The following LSAMP variants were observed in gnomAD, a reference collection of about 807,000 sequenced individuals.
LSAMP encodes the protein limbic system-associated membrane protein.
Under a neutral mutation model 38.6 loss-of-function variants are expected in LSAMP, and 7 were observed. That is an observed-to-expected ratio of 0.18 (90% CI 0.10 to 0.34). LSAMP has a LOEUF of 0.34. Ranked by LOEUF, LSAMP falls within the 10% of genes least tolerant of loss-of-function variation. The probability of loss-of-function intolerance (pLI) is 1.00; values close to 1 mark genes in which losing one functional copy is unlikely to be tolerated. For missense variants in LSAMP, 313 were observed against 420.0 expected (o/e 0.75, Z 2.23); for synonymous variants, 154 against 166.8 (o/e 0.92, Z 0.59).
intron 1 of LSAMP, among the ~76,000 whole-genome samples, chr3:116,442,557 T>G (rs2049450934): frequency 6.6e-6 from 1 of 152,146 alleles, no homozygotes; most frequent in South Asian, 2.1e-4. Context: ...TTAAAGAGAT[T>G]GAGAAGAAGG....
chr3:116,336,793 T>G (rs186189878), intron 1 of LSAMP, among the ~76,000 whole-genome samples: 27 of 151,960 alleles, frequency 1.8e-4, no homozygotes, highest in Non-Finnish European at 2.9e-4. Flanking sequence ...CTTCTAGGTA[T>G]AAACTCAACA....
In LSAMP at chr3:116,276,327, C is replaced by A. The variant is rs535839485; in HGVS notation, c.155+168550G>T. On this transcript the variant is annotated intron_variant, in intron 1 of 6. Transcript: ENST00000490035. ...GATCAGTCTTTGCACAATTAGTCAA[C>A]ATTCAGAACGTATAGATTGTTTTAA... 4.6e-5 allele frequency among the ~76,000 whole-genome samples: 7 copies of A among 152,284 alleles called. No individual in the cohort carries two copies. The South Asian group carries it at 1.5e-3, about 32-fold the overall frequency.
At position 116,150,457 on chromosome 3, in the gene LSAMP, G is replaced by T. The variant is rs112339735; in HGVS notation, c.156-63901C>A. ...AGTTTCAGAATAGGGGGTTATGATT[G>T]TGGCATTTTTATAATAAATGTCTGC... On this transcript the variant is annotated intron_variant, in intron 1 of 6. Coordinates refer to ENST00000490035, the MANE Select transcript of LSAMP (RefSeq NM_002338.5). Among the ~76,000 whole-genome samples, 204 of 152,144 alleles carry T rather than the reference G, an allele frequency of 1.3e-3. 1 individual carries two copies. Among genetic ancestry groups the T allele is most frequent in the African/African-American group, 3.4e-3 (141 of 41,540 alleles).
At chr3:115,875,810 G>GA (rs1936165567) in intron 3 of LSAMP, among the ~76,000 whole-genome samples, 1 of 151,978 alleles carries the variant, frequency 6.6e-6, no homozygotes, top group African/African-American at 2.4e-5. Context: ...TTGGAAGAGT[G>GA]GAAATAGATA....
intron 1 of LSAMP, among the ~76,000 whole-genome samples, chr3:116,137,893 C>T (rs1024626244): frequency 1.3e-5 from 2 of 152,262 alleles, no homozygotes; most frequent in African/African-American, 4.8e-5. Flanking sequence ...AACAGGTCCT[C>T]TCTGCCCATT....
rs1349810035 is a variant in LSAMP at position 116,167,481 on chromosome 3, G to A, written c.156-80925C>T. ...TGAATTGAAATGAGAAAGGATACAG[G>A]ATCTCATAAAGAGTGTAGCTGGCCT... On this transcript the variant is annotated intron_variant, in intron 1 of 6. Transcript: ENST00000490035. Among the ~76,000 whole-genome samples, 4 of 152,176 alleles carry A rather than the reference G, an allele frequency of 2.6e-5. No individual in the cohort carries two copies. The East Asian group carries it at 5.8e-4, about 22-fold the overall frequency.
At chr3:116,141,000 A>G (rs1709357109) in intron 1 of LSAMP, among the ~76,000 whole-genome samples, 1 of 151,928 alleles carries the variant, frequency 6.6e-6, no homozygotes, top group Non-Finnish European at 1.5e-5. Context: ...TATGAAAATA[A>G]TACCCACCAG....
rs1319032613 is a variant in LSAMP, at chr3:115,810,239, CTCTCTG to C, written c.*72_*77del. On this transcript the variant is annotated 3_prime_UTR_variant, in exon 7 of 7. Coordinates refer to ENST00000490035, the MANE Select transcript of LSAMP (RefSeq NM_002338.5). The stretch of plus-strand genomic sequence containing the variant: ...CTCCCCCATCTCTCTCTCTCTCTCT[CTCTCTG>C]TCTCTCTCTCTCTGTATTCTGTGTG... The C allele has an allele frequency of 1.6e-5, 16 of 978,494 alleles. No homozygotes were observed. The highest frequency in any genetic ancestry group is 1.5e-4 in the African/African-American group (9 of 58,100). The allele number at this position is 978,494 out of a possible 1,614,324, so 60.6% of individuals were successfully genotyped here.
intron 1 of LSAMP, among the ~76,000 whole-genome samples, chr3:116,434,873 T>C (rs1453192446): frequency 6.6e-6 from 1 of 152,142 alleles, no homozygotes. Context: ...ATGCTGTGGA[T>C]GTTCTTTGAA....
intron 1 of LSAMP, among the ~76,000 whole-genome samples, chr3:116,308,234 T>A (rs1348003907): frequency 6.6e-6 from 1 of 151,970 alleles, no homozygotes; most frequent in East Asian, 1.9e-4. Flanking sequence ...AAGCTCCCTC[T>A]AGACAAAATT....
chr3:116,308,279 T>C (rs1285101243), intron 1 of LSAMP, among the ~76,000 whole-genome samples: 1 of 152,042 alleles, frequency 6.6e-6, no homozygotes, highest in Non-Finnish European at 1.5e-5. Context: ...CAGAGCATTT[T>C]ACAATAAACC....
intron 1 of LSAMP, among the ~76,000 whole-genome samples, chr3:116,171,361 A>C (rs900204793): frequency 6.6e-6 from 1 of 152,172 alleles, no homozygotes; most frequent in African/African-American, 2.4e-5. Flanking sequence ...TCATGCAGGA[A>C]TATAGAAACC....
chr3:116,229,792 T>C, intron 1 of LSAMP, among the ~76,000 whole-genome samples: 1 of 152,126 alleles, frequency 6.6e-6, no homozygotes, highest in East Asian at 1.9e-4. Context: ...CAGGAGTCAT[T>C]AGGCCAGATT....
intron 1 of LSAMP, among the ~76,000 whole-genome samples, chr3:116,135,485 AT>A (rs1420877173): frequency 1.3e-5 from 2 of 152,140 alleles, no homozygotes; most frequent in Admixed American, 6.6e-5. Context: ...ATGGGATCGT[AT>A]TTTCCTGACC....
chr3:116,109,369 G>C (rs1484003695), intron 1 of LSAMP, among the ~76,000 whole-genome samples: 7 of 152,024 alleles, frequency 4.6e-5, no homozygotes, highest in African/African-American at 1.7e-4. Flanking sequence ...TGGCGAGGAG[G>C]GGAGAGGTCA....
intron 1 of LSAMP, among the ~76,000 whole-genome samples, chr3:116,183,778 C>T (rs929464503): frequency 4.6e-5 from 7 of 151,630 alleles, no homozygotes; most frequent in African/African-American, 1.7e-4. Context: ...TTAAAAGCAT[C>T]CCTGATAATA....
chr3:116,119,661 C>CTTT (rs3071059), intron 1 of LSAMP, among the ~76,000 whole-genome samples: 3 of 140,572 alleles, frequency 2.1e-5, no homozygotes, highest in African/African-American at 7.9e-5. Context: ...TTTTTCTTTT[C>CTTT]TTTTTTTTTT....
intron 3 of LSAMP, among the ~76,000 whole-genome samples, chr3:115,926,698 G>T (rs1282567088): frequency 1.3e-5 from 2 of 152,146 alleles, no homozygotes; most frequent in African/African-American, 4.8e-5. Context: ...TGAAATACAG[G>T]ACCTGGCAAA....
intron 1 of LSAMP, among the ~76,000 whole-genome samples, chr3:116,170,895 C>T (rs1559768882): frequency 6.6e-6 from 1 of 152,012 alleles, no homozygotes; most frequent in Non-Finnish European, 1.5e-5. Context: ...TGGTTCCTGG[C>T]TCTTCTTTCT....
Sources: gnomAD v4.1 joint callset for allele counts (sites outside exome capture counted in the v4.1 genomes callset) on GRCh38, gnomAD v4.1.1 for gene constraint, MANE v1.5 for transcripts, NCBI Gene and HGNC (gene_info 2026-07-23, HGNC 2026-07-21) for gene names.